CSNK2A1: variants seen among roughly 807,000 people sequenced by gnomAD.
CSNK2A1 encodes the protein casein kinase 2 alpha 1, also known as casein kinase II subunit alpha.
CSNK2A1 carries 10 observed loss-of-function variants against 62.9 expected under a neutral mutation model. The ratio of observed to expected loss-of-function variants is 0.16; its 90% CI spans 0.10 to 0.27. The LOEUF (loss-of-function observed/expected upper bound fraction) is 0.27. Among genes scored for constraint, CSNK2A1 ranks in the 10% least tolerant of loss-of-function variants. The pLI, the probability that CSNK2A1 is intolerant of heterozygous loss-of-function variation, is 1.00. For synonymous variants in CSNK2A1, 124 were observed against 167.8 expected, an observed-to-expected ratio of 0.74 and a Z score of 2.02; for missense variants, 160 against 492.0, an observed-to-expected ratio of 0.33 and a Z score of 6.38.
chr20:533,892 CCAGT>C (rs2019261531), intron 1 of CSNK2A1, among the ~76,000 whole-genome samples: 1 of 152,154 alleles, frequency 6.6e-6, no homozygotes. Context: ...AATCGGAATT[CCAGT>C]ACTGTCTCTT....
intron 2 of CSNK2A1, among the ~76,000 whole-genome samples, chr20:524,954 A>G (rs1435398283): frequency 1.3e-5 from 2 of 151,850 alleles, no homozygotes; most frequent in African/African-American, 4.8e-5. Context: ...ATCTCTACAG[A>G]AAAATTTAAA....
intron 13 of CSNK2A1, among the ~76,000 whole-genome samples, chr20:485,260 T>C (rs1376921482): frequency 7.3e-5 from 11 of 150,854 alleles, no homozygotes; most frequent in African/African-American, 2.2e-4. Context: ...CTCGGCTCAC[T>C]GCAACCTCTG....
intron 2 of CSNK2A1, among the ~76,000 whole-genome samples, chr20:509,386 TA>T (rs2018669486): frequency 6.6e-6 from 1 of 152,192 alleles, no homozygotes; most frequent in Non-Finnish European, 1.5e-5. Context: ...GGAAAATAAG[TA>T]AGATGTTAGA....
At chr20:511,273 G>A (rs147721549) in intron 2 of CSNK2A1, among the ~76,000 whole-genome samples, 38 of 152,206 alleles carry the variant, frequency 2.5e-4, no homozygotes, top group East Asian at 9.7e-4. Flanking sequence ...CCAGGAAGTC[G>A]AGGCTACAGT....
rs774991583 is a variant in CSNK2A1, at chr20:541,575, T to C, written c.-227+2097A>G. On this transcript the variant is annotated intron_variant, in intron 1 of 13. Transcript: ENST00000217244. ...GACAATAGTAAAAACAAGGACTCACTCTGGATGAGTGAGTAGGAAAAGGAC... is the reference window on the plus strand; with the variant it reads ...GACAATAGTAAAAACAAGGACTCACCCTGGATGAGTGAGTAGGAAAAGGAC... Among the ~76,000 whole-genome samples, 298 of 152,282 alleles carry C rather than the reference T, an allele frequency of 2.0e-3. 4 individuals are homozygous for C. Among genetic ancestry groups the C allele is most frequent in the Non-Finnish European group, 5.1e-4 (35 of 68,026 alleles).
intron 6 of CSNK2A1, 38 bp from the exon 7 acceptor site, chr20:497,818 G>A: frequency 1.3e-6 from 2 of 1,579,584 alleles, no homozygotes; most frequent in Non-Finnish European, 1.7e-6. Flanking sequence ...AAATAATGCT[G>A]ACAGAAAGGC....
intron 2 of CSNK2A1, among the ~76,000 whole-genome samples, chr20:521,504 T>C (rs542958998): frequency 2.0e-5 from 3 of 152,328 alleles, no homozygotes; most frequent in Admixed American, 6.5e-5. Flanking sequence ...GGCAGTTTCT[T>C]ATAGAGTTAA....
At chr20:542,595 G>A (rs1476010975) in intron 1 of CSNK2A1, among the ~76,000 whole-genome samples, 1 of 151,978 alleles carries the variant, frequency 6.6e-6, no homozygotes, top group African/African-American at 2.4e-5. Flanking sequence ...ACCAAGCCCG[G>A]CTGATATTTG....
At position 540,992 on chromosome 20, in the gene CSNK2A1, G is replaced by A. The variant is rs1029986860; in HGVS notation, c.-227+2680C>T. ...TGTTGACCAAATTCAGGTTCCTTCTGGTTGCACAACTGAGGTCCCCATTTC... is the reference window on the plus strand; with the variant it reads ...TGTTGACCAAATTCAGGTTCCTTCTAGTTGCACAACTGAGGTCCCCATTTC... On this transcript the variant is annotated intron_variant, in intron 1 of 13. Coordinates refer to ENST00000217244, the MANE Select transcript of CSNK2A1 (RefSeq NM_177559.3). 2.0e-5 allele frequency: 3 copies of A among 152,290 alleles called. No individual in the cohort carries two copies. In the East Asian group the frequency reaches 5.8e-4, roughly 29 times the overall value. The allele number at this position is 152,290 out of a possible 1,614,324, so 9.4% of individuals were successfully genotyped here. A position where few individuals can be genotyped will look rare whatever the true frequency, so the allele number is the denominator to read the frequency against.
chr20:534,659 A>G (rs187779727), intron 1 of CSNK2A1, among the ~76,000 whole-genome samples: 8 of 152,296 alleles, frequency 5.3e-5, no homozygotes, highest in East Asian at 3.9e-4. Flanking sequence ...ACCCCCTAGT[A>G]TAACAACTGT....
chr20:485,098 A>T lies in CSNK2A1; in HGVS notation c.1061-1022T>A, dbSNP rs2018055140. ...AAAAAAAAAAAAAAAAAAAAAAAAAAAAAAAAAAAAAATATATATATATAT... is the reference window on the plus strand; with the variant it reads ...AAAAAAAAAAAAAAAAAAAAAAAAATAAAAAAAAAAAATATATATATATAT... On this transcript the variant is annotated intron_variant, in intron 13 of 13. Transcript: ENST00000217244. Among the ~76,000 whole-genome samples, 11 of 53,446 alleles carry T rather than the reference A, an allele frequency of 2.1e-4. 1 individual carries two copies. The highest frequency in any genetic ancestry group is 1.7e-3 in the South Asian group (2 of 1,150). The allele number at this position is 53,446 out of a possible 152,430, so 35.1% of individuals were successfully genotyped here.
chr20:489,972 T>C lies in CSNK2A1; in HGVS notation c.622-91A>G. On this transcript the variant is annotated intron_variant, in intron 9 of 13. Transcript: ENST00000217244. ...ATTAATTTTTAAAATTAAAAAAAAA[T>C]CACTCCACTGACTCAAAATCAAAAC... 3 of 813,818 alleles carry C rather than the reference T, an allele frequency of 3.7e-6. No homozygotes were observed. In the South Asian group the frequency reaches 8.4e-5, roughly 23 times the overall value. 50.4% of individuals were successfully genotyped at this position (813,818 alleles called of 1,614,324 possible). A position where few individuals can be genotyped will look rare whatever the true frequency, so the allele number is the denominator to read the frequency against.
chr20:529,406 A>G (rs1334365545), intron 1 of CSNK2A1, among the ~76,000 whole-genome samples: 1 of 152,112 alleles, frequency 6.6e-6, no homozygotes, highest in African/African-American at 2.4e-5. Context: ...GATGTGAATC[A>G]TCCCTTTGTC....
Position 480,773 on chromosome 20 carries a change from A to T in CSNK2A1, c.*3188T>A, listed in dbSNP as rs2122482915. 6.6e-6 allele frequency: 1 copy of T among 152,356 alleles called. No homozygotes were observed. Among genetic ancestry groups the T allele is most frequent in the South Asian group, 2.1e-4 (1 of 4,830 alleles). The allele number at this position is 152,356 out of a possible 1,614,324, so 9.4% of individuals were successfully genotyped here. A position where few individuals can be genotyped will look rare whatever the true frequency, so the allele number is the denominator to read the frequency against. ...GTGGGACAAAATCAGGTTTTTCAAGAGATGCTTAAATGGTCAATTCTAATT... is the reference window on the plus strand; with the variant it reads ...GTGGGACAAAATCAGGTTTTTCAAGTGATGCTTAAATGGTCAATTCTAATT... On this transcript the variant is annotated 3_prime_UTR_variant, in exon 14 of 14. Coordinates refer to ENST00000217244, the MANE Select transcript of CSNK2A1 (RefSeq NM_177559.3).
chr20:539,132 T>C (rs896842011), intron 1 of CSNK2A1: 1 of 152,240 alleles, frequency 6.6e-6, no homozygotes, highest in African/African-American at 2.4e-5. Flanking sequence ...GCAAAACCCC[T>C]GTATTTGTTT....
intron 13 of CSNK2A1, among the ~76,000 whole-genome samples, chr20:484,694 T>TGTGTGTGTGTGTG (rs573370751): frequency 1.0e-3 from 154 of 147,712 alleles, no homozygotes; most frequent in African/African-American, 1.4e-3. Context: ...AATCATGTTT[T>TGTGTGTGTGTGTG]TGTGTGTGTG....
intron 2 of CSNK2A1, among the ~76,000 whole-genome samples, chr20:519,532 A>G (rs2122603409): frequency 6.6e-6 from 1 of 152,358 alleles, no homozygotes; most frequent in African/African-American, 2.4e-5. Context: ...TGGGCAAAAC[A>G]GCAAGACCTT....
At chr20:531,952 C>T (rs780236369) in intron 1 of CSNK2A1, among the ~76,000 whole-genome samples, 1 of 152,204 alleles carries the variant, frequency 6.6e-6, no homozygotes, top group Non-Finnish European at 1.5e-5. Context: ...TACTGTCCAA[C>T]CTTAAATTGT....
chr20:516,726 TG>T (rs1256376970), intron 2 of CSNK2A1, among the ~76,000 whole-genome samples: 1 of 152,234 alleles, frequency 6.6e-6, no homozygotes, highest in Non-Finnish European at 1.5e-5. Flanking sequence ...TTTCTGCTAA[TG>T]TATTTTTATT....
Sources: gnomAD v4.1 joint callset for allele counts (sites outside exome capture counted in the v4.1 genomes callset) on GRCh38, gnomAD v4.1.1 for gene constraint, MANE v1.5 for transcripts, NCBI Gene and HGNC (gene_info 2026-07-23, HGNC 2026-07-21) for gene names.